PLXNA4: variants seen among roughly 807,000 people sequenced by gnomAD.
PLXNA4 encodes the protein plexin-A4.
In PLXNA4, 44 loss-of-function variants were observed where a neutral mutation model predicts 191.8. The observed-to-expected ratio is 0.23, with a 90% CI of 0.18 to 0.29. The LOEUF is 0.29. Among genes scored for constraint, PLXNA4 ranks in the 10% least tolerant of loss-of-function variants. The pLI is 1.00. For missense variants in PLXNA4, 1,800 were observed against 2,488.8 expected, an observed-to-expected ratio of 0.72 and a Z score of 5.89; for synonymous variants, 1,082 against 1,009.5, an observed-to-expected ratio of 1.07 and a Z score of -1.36.
At chr7:132,479,442 A>T (rs57161875) in intron 3 of PLXNA4, among the ~76,000 whole-genome samples, 6,235 of 152,270 alleles carry the variant, frequency 0.041, 208 homozygotes, top group African/African-American at 0.082. Flanking sequence ...AAAGGACTCA[A>T]AAGGGAAACC....
intron 1 of PLXNA4, among the ~76,000 whole-genome samples, chr7:132,518,783 A>C (rs1048424714): frequency 1.3e-5 from 2 of 152,140 alleles, no homozygotes; most frequent in African/African-American, 4.8e-5. Flanking sequence ...CTCCATTCAG[A>C]GATCATGTCC....
At chr7:132,539,022 C>T (rs1799961567) in intron 1 of PLXNA4, among the ~76,000 whole-genome samples, 1 of 152,206 alleles carries the variant, frequency 6.6e-6, no homozygotes, top group African/African-American at 2.4e-5. Context: ...GACTTTTTAA[C>T]ATCCCAGCCC....
chr7:132,529,354 A>G (rs1041351497), intron 1 of PLXNA4, among the ~76,000 whole-genome samples: 2 of 152,246 alleles, frequency 1.3e-5, no homozygotes, highest in African/African-American at 4.8e-5. Context: ...GATGAGCTAT[A>G]TCTTTCTTAC....
chr7:132,136,616 G>A (rs529624661), intron 30 of PLXNA4, among the ~76,000 whole-genome samples: 2 of 152,148 alleles, frequency 1.3e-5, no homozygotes, highest in African/African-American at 4.8e-5. Context: ...AGTCTGCAGG[G>A]TCCTAGTCTG....
chr7:132,268,046 A>G (rs1230852444), intron 4 of PLXNA4, among the ~76,000 whole-genome samples: 2 of 152,224 alleles, frequency 1.3e-5, no homozygotes, highest in African/African-American at 2.4e-5. Context: ...TTAAAACAAG[A>G]TAAATACTGG....
intron 1 of PLXNA4, among the ~76,000 whole-genome samples, chr7:132,562,628 CCTT>C (rs1343263753): frequency 4.8e-5 from 6 of 124,166 alleles, no homozygotes; most frequent in East Asian, 5.2e-4. Context: ...TCTTCCTCCT[CCTT>C]CTCCTCCTCT....
intron 3 of PLXNA4, among the ~76,000 whole-genome samples, chr7:132,416,750 G>T (rs1585107085): frequency 6.6e-6 from 1 of 152,176 alleles, no homozygotes; most frequent in Non-Finnish European, 1.5e-5. Context: ...AAGCAGCCCA[G>T]TAGGACTGTC....
chr7:132,330,438 A>C (rs1802545963), intron 3 of PLXNA4, among the ~76,000 whole-genome samples: 1 of 152,218 alleles, frequency 6.6e-6, no homozygotes. Flanking sequence ...GTGATCCAGA[A>C]GGGACAGAAA....
intron 20 of PLXNA4, 132 bp from the exon 21 acceptor site, chr7:132,175,052 C>G: frequency 7.2e-7 from 1 of 1,395,636 alleles, no homozygotes; most frequent in Non-Finnish European, 9.6e-7. Flanking sequence ...GCGGGAATAA[C>G]TGGAGAGGCT....
intron 2 of PLXNA4, among the ~76,000 whole-genome samples, chr7:132,500,141 G>T (rs189794542): frequency 3.9e-5 from 6 of 152,296 alleles, no homozygotes; most frequent in Non-Finnish European, 8.8e-5. Context: ...AATGTGTCTT[G>T]TCACCCAAAT....
intron 3 of PLXNA4, among the ~76,000 whole-genome samples, chr7:132,353,848 T>C (rs976157017): frequency 2.6e-5 from 4 of 152,180 alleles, no homozygotes; most frequent in Admixed American, 2.6e-4. Context: ...TGTCCTGTTT[T>C]CTGCAAGGAA....
At chr7:132,283,652 G>A (rs1800572038) in intron 4 of PLXNA4, among the ~76,000 whole-genome samples, 1 of 152,168 alleles carries the variant, frequency 6.6e-6, no homozygotes, top group South Asian at 2.1e-4. Flanking sequence ...GACTAGCCAA[G>A]GAAAAGGTAG....
intron 10 of PLXNA4, among the ~76,000 whole-genome samples, chr7:132,204,990 G>A (rs1285841439): frequency 6.6e-6 from 1 of 152,152 alleles, no homozygotes; most frequent in Non-Finnish European, 1.5e-5. Flanking sequence ...TAGGTTCGGT[G>A]TTTGTCCCAC....
intron 2 of PLXNA4, among the ~76,000 whole-genome samples, chr7:132,600,394 T>C (rs1025956135): frequency 6.6e-6 from 1 of 152,218 alleles, no homozygotes; most frequent in Non-Finnish European, 1.5e-5. Context: ...GACAGGGTCT[T>C]ACTCTGTCAC....
chr7:132,234,224 C>T (rs1323397181), intron 5 of PLXNA4, among the ~76,000 whole-genome samples: 3 of 152,224 alleles, frequency 2.0e-5, no homozygotes, highest in African/African-American at 7.2e-5. Flanking sequence ...CACATTCCAA[C>T]AATGACTCCA....
rs1023836919 is a variant in PLXNA4, at chr7:132,644,247, G to C, written c.-87+1681C>G. ...ATGGTACAATGGAGACAGTAGCAACGCCCACCTCATGGGACGGTTGCAAGG... is the reference window on the plus strand; with the variant it reads ...ATGGTACAATGGAGACAGTAGCAACCCCCACCTCATGGGACGGTTGCAAGG... On this transcript the variant is annotated intron_variant, in intron 2 of 4. Transcript: ENST00000378539. 2.6e-5 allele frequency among the ~76,000 whole-genome samples: 4 copies of C among 152,160 alleles called. No individual in the cohort carries two copies. In the East Asian group the frequency reaches 7.7e-4, roughly 29 times the overall value.
chr7:132,193,010 G>C (rs1797141106), intron 14 of PLXNA4, among the ~76,000 whole-genome samples: 1 of 152,110 alleles, frequency 6.6e-6, no homozygotes, highest in South Asian at 2.1e-4. Flanking sequence ...GTGAGAGGTG[G>C]GCAGGGGTTA....
At chr7:132,255,077 A>G (rs1406815181) in intron 4 of PLXNA4, among the ~76,000 whole-genome samples, 4 of 152,182 alleles carry the variant, frequency 2.6e-5, no homozygotes. Flanking sequence ...GACAACCCCC[A>G]ATACCAAAAT....
intron 24 of PLXNA4, 149 bp downstream of exon 24, chr7:132,163,993 A>G: frequency 7.7e-7 from 1 of 1,293,070 alleles, no homozygotes; most frequent in East Asian, 2.5e-5. Context: ...GGTGATGGAC[A>G]CAGCGGGAGC....
Sources: gnomAD v4.1 joint callset for allele counts (sites outside exome capture counted in the v4.1 genomes callset) on GRCh38, gnomAD v4.1.1 for gene constraint, MANE v1.5 for transcripts, NCBI Gene and HGNC (gene_info 2026-07-23, HGNC 2026-07-21) for gene names.